Variants in PCDHAC2 observed in about 807,000 individuals in gnomAD.
The protein encoded by PCDHAC2 is protocadherin alpha subfamily C, 2, also known as protocadherin alpha-C2.
Under a neutral mutation model 63.3 loss-of-function variants are expected in PCDHAC2, and 24 were observed. That is an observed-to-expected ratio of 0.38 (90% CI 0.27 to 0.53). PCDHAC2 has a LOEUF of 0.53. Among genes scored for constraint, PCDHAC2 ranks in the 20% least tolerant of loss-of-function variants. PCDHAC2 has a pLI of 0.81. For missense variants in PCDHAC2, 1,181 were observed against 1,275.2 expected (o/e 0.93, Z 1.12); for synonymous variants, 569 against 529.4 (o/e 1.07, Z -1.03).
In PCDHAC2 at chr5:141,009,709, C is replaced by A; in HGVS notation, c.2796C>A (p.Asn932Lys). The A allele has an allele frequency of 6.2e-7, 1 of 1,614,118 alleles. No homozygotes were observed. Among genetic ancestry groups the A allele is most frequent in the Non-Finnish European group, 8.5e-7 (1 of 1,180,024 alleles). Reference sequence around the variant, plus strand: ...GGACCTTTAAATACGGACCAGGCAACCCCAAACAATCCGGTCCCGGTGAGT... The same window carrying A: ...GGACCTTTAAATACGGACCAGGCAAACCCAAACAATCCGGTCCCGGTGAGT... ...NSWTFKYGPG[N>K]PKQSGPGELP... is the part of the protein sequence containing the mutation. The change falls in exon 4 of 4, where the codon AAC (asparagine) becomes AAA (lysine). Residue 932 changes from asparagine (N) to lysine (K), a missense_variant. Physicochemically the swap from Asn to Lys is moderately conservative, Grantham distance 94. Transcript: ENST00000289269.
chr5:140,979,615 A>G (rs965487699), intron 2 of PCDHAC2, among the ~76,000 whole-genome samples: 1 of 152,258 alleles, frequency 6.6e-6, no homozygotes, highest in Non-Finnish European at 1.5e-5. Context: ...GAGTAACGGT[A>G]TTAGTCTAAG....
At chr5:141,005,321 A>C (rs1455149994) in intron 3 of PCDHAC2, among the ~76,000 whole-genome samples, 1 of 152,182 alleles carries the variant, frequency 6.6e-6, no homozygotes, top group Admixed American at 6.5e-5. Context: ...AGTGGTAGAG[A>C]ATAATAGGCC....
rs568722959 is a variant in PCDHAC2 at position 140,970,085 on chromosome 5, T to C, written c.2565+754T>C. Among the ~76,000 whole-genome samples the C allele has an allele frequency of 2.6e-5, 4 of 151,946 alleles. No homozygotes were observed. The East Asian group carries it at 7.7e-4, about 29-fold the overall frequency. ...TATTAGAATGAGTGGATTAGGGGTG[T>C]GGGGGGATGGTGAAGACCAAGAGAA... is the stretch of plus-strand genomic sequence containing the variant. On this transcript the variant is annotated intron_variant, in intron 1 of 3. Coordinates refer to ENST00000289269, the MANE Select transcript of PCDHAC2 (RefSeq NM_018899.6).
chr5:141,003,104 C>G (rs1447493860), intron 3 of PCDHAC2, among the ~76,000 whole-genome samples: 1 of 152,236 alleles, frequency 6.6e-6, no homozygotes, highest in East Asian at 1.9e-4. Context: ...ATTTGCTTCA[C>G]AATCTTCTGG....
chr5:140,977,630 C>T (rs2096769145), intron 1 of PCDHAC2, among the ~76,000 whole-genome samples: 1 of 152,148 alleles, frequency 6.6e-6, no homozygotes, highest in African/African-American at 2.4e-5. Flanking sequence ...AGAGTTGTAA[C>T]TTTTTCTGGG....
chr5:140,966,759 C>G lies in PCDHAC2; in HGVS notation c.-8C>G. The G allele has an allele frequency of 6.9e-7, 1 of 1,447,012 alleles. No individual in the cohort carries two copies. Among genetic ancestry groups the G allele is most frequent in the Non-Finnish European group, 9.1e-7 (1 of 1,104,034 alleles). The allele number at this position is 1,447,012 out of a possible 1,614,324, so 89.6% of individuals were successfully genotyped here. On this transcript the variant is annotated 5_prime_UTR_variant, in exon 1 of 4. Coordinates refer to ENST00000289269, the MANE Select transcript of PCDHAC2 (RefSeq NM_018899.6). ...CCTGCCCGGCTGCCTCCGCCGCGGCCAGTGGCTATGGAGCAGGCGGGCACC... is the reference window on the plus strand; with the variant it reads ...CCTGCCCGGCTGCCTCCGCCGCGGCGAGTGGCTATGGAGCAGGCGGGCACC...
chr5:141,000,279 G>A (rs528257063), intron 3 of PCDHAC2, among the ~76,000 whole-genome samples: 60 of 151,092 alleles, frequency 4.0e-4, no homozygotes, highest in Middle Eastern at 3.4e-3. Context: ...GGAGGCAGAG[G>A]TGGGAATATT....
chr5:140,981,220 C>T (rs1160783614), intron 2 of PCDHAC2, among the ~76,000 whole-genome samples: 3 of 152,164 alleles, frequency 2.0e-5, no homozygotes, highest in African/African-American at 4.8e-5. Context: ...CCCCTTTAGT[C>T]AGTAGTCTAA....
intron 1 of PCDHAC2, among the ~76,000 whole-genome samples, chr5:140,971,436 C>G (rs2153789972): frequency 6.6e-6 from 1 of 152,278 alleles, no homozygotes; most frequent in Non-Finnish European, 1.5e-5. Flanking sequence ...ACCCCAAGAT[C>G]TACAGCTCCA....
chr5:140,980,036 G>A (rs952735379), intron 2 of PCDHAC2, among the ~76,000 whole-genome samples: 9 of 152,294 alleles, frequency 5.9e-5, no homozygotes, highest in Non-Finnish European at 1.0e-4. Flanking sequence ...ATTACATTGG[G>A]TGCTATTTCT....
rs2096128497 is a variant in PCDHAC2 at position 140,967,331 on chromosome 5, C to T, written c.565C>T (p.Pro189Ser). 6.2e-7 allele frequency: 1 copy of T among 1,608,078 alleles called. No homozygotes were observed. The highest frequency in any genetic ancestry group is 1.3e-5 in the African/African-American group (1 of 74,782). ...CTCAGTACAGACCTACGAGCTCAGCCCCAGCGAGCACTTCGAGCTGGACCT... is the reference window on the plus strand; with the variant it reads ...CTCAGTACAGACCTACGAGCTCAGCTCCAGCGAGCACTTCGAGCTGGACCT... ...ANSVQTYELS[P>S]SEHFELDLKP... The change falls in exon 1 of 4, where the codon CCC (proline) becomes TCC (serine). Residue 189 changes from proline to serine, a missense_variant. Pro to Ser is a moderately conservative substitution (Grantham distance 74). Around this residue, in one of 3 missense-constraint regions of PCDHAC2, gnomAD observed 968 missense variants for 1,073.5 expected, o/e 0.90. Coordinates refer to ENST00000289269, the MANE Select transcript of PCDHAC2 (RefSeq NM_018899.6).
At chr5:140,986,005 C>G (rs912493095) in intron 3 of PCDHAC2, among the ~76,000 whole-genome samples, 1 of 152,040 alleles carries the variant, frequency 6.6e-6, no homozygotes, top group African/African-American at 2.4e-5. Flanking sequence ...TCCCAAAGTG[C>G]TGGGATTACA....
chr5:140,971,392 T>C (rs1399891976), intron 1 of PCDHAC2, among the ~76,000 whole-genome samples: 1 of 152,154 alleles, frequency 6.6e-6, no homozygotes, highest in East Asian at 1.9e-4. Flanking sequence ...TAAAGGCAAA[T>C]TTCTGCCAGG....
At chr5:141,000,429 T>A (rs1327595966) in intron 3 of PCDHAC2, among the ~76,000 whole-genome samples, 40 of 124,862 alleles carry the variant, frequency 3.2e-4, no homozygotes, top group African/African-American at 1.1e-3. Flanking sequence ...ATATTTTTTT[T>A]TTTTTTTTTT....
intron 3 of PCDHAC2, among the ~76,000 whole-genome samples, chr5:141,002,953 T>G (rs2098104496): frequency 1.3e-5 from 2 of 152,230 alleles, no homozygotes; most frequent in Non-Finnish European, 2.9e-5. Context: ...CATGCCCCTC[T>G]GAGAGCTTTC....
At chr5:141,004,532 C>G (rs569751588) in intron 3 of PCDHAC2, among the ~76,000 whole-genome samples, 1 of 152,314 alleles carries the variant, frequency 6.6e-6, no homozygotes, top group African/African-American at 2.4e-5. Context: ...TACACACAGC[C>G]ATTAATGTCC....
At position 140,968,106 on chromosome 5, in the gene PCDHAC2, C is replaced by T. The variant is rs1554230344; in HGVS notation, c.1340C>T (p.Pro447Leu). The T allele has an allele frequency of 5.0e-6, 8 of 1,614,016 alleles. No individual in the cohort carries two copies. The highest frequency in any genetic ancestry group is 2.2e-5 in the East Asian group (1 of 44,884). The change falls in exon 1 of 4, where the codon CCG becomes CTG. Residue 447 changes from proline (P) to leucine (L), a missense_variant. By Grantham distance (98) the Pro-to-Leu change is moderately conservative (BLOSUM62 -3). Coordinates refer to ENST00000289269, the MANE Select transcript of PCDHAC2 (RefSeq NM_018899.6). ...GTGACAGCCACAGATGGGGGAATAC[C>T]GCAGCTCACATCCCTGCGTACACTG... ...ITVTATDGGI[P>L]QLTSLRTLKV... is the part of the protein sequence containing the mutation.
At chr5:140,975,511 A>T (rs1236558069) in intron 1 of PCDHAC2, among the ~76,000 whole-genome samples, 2 of 152,212 alleles carry the variant, frequency 1.3e-5, no homozygotes, top group African/African-American at 4.8e-5. Flanking sequence ...CACTATGCAA[A>T]ATCTGCAGTG....
intron 3 of PCDHAC2, among the ~76,000 whole-genome samples, chr5:141,008,048 G>A (rs2098358764): frequency 1.3e-5 from 2 of 151,972 alleles, no homozygotes; most frequent in South Asian, 4.2e-4. Flanking sequence ...TTTGTAACAG[G>A]GGTCCAGTCC....
Sources: allele counts gnomAD v4.1 joint callset (sites outside exome capture counted in the v4.1 genomes callset), GRCh38; gene constraint gnomAD v4.1.1; regional missense constraint gnomAD v4.1.1; transcripts MANE v1.5; gene names NCBI Gene and HGNC (gene_info 2026-07-23, HGNC 2026-07-21).